The following RALYL variants were observed in gnomAD, a reference collection of about 807,000 sequenced individuals.
The protein encoded by RALYL is RNA-binding Raly-like protein.
RALYL carries 29 observed loss-of-function variants against 35.1 expected under a neutral mutation model. The ratio of observed to expected loss-of-function variants is 0.83; its 90% CI spans 0.61 to 1.13. RALYL has a LOEUF of 1.13. RALYL is among the 50% of genes most tolerant of loss of function. The probability of loss-of-function intolerance (pLI) is 0.00; values close to 1 mark genes in which losing one functional copy is unlikely to be tolerated. For missense variants in RALYL, 359 were observed against 360.4 expected (o/e 1.00, Z 0.03); for synonymous variants, 120 against 127.6 (o/e 0.94, Z 0.40).
At chr8:84,466,436 G>C (rs1340698817) in intron 1 of RALYL, among the ~76,000 whole-genome samples, 1 of 149,682 alleles carries the variant, frequency 6.7e-6, no homozygotes, top group African/African-American at 2.5e-5. Context: ...TTTATATGCT[G>C]GATTACATTT....
intron 1 of RALYL, among the ~76,000 whole-genome samples, chr8:84,408,052 G>T (rs536852935): frequency 3.3e-5 from 5 of 151,660 alleles, no homozygotes; most frequent in Non-Finnish European, 7.4e-5. Context: ...GAATAAGAAC[G>T]CTATGAAACC....
At chr8:84,409,095 A>T (rs1414392662) in intron 1 of RALYL, among the ~76,000 whole-genome samples, 1 of 152,074 alleles carries the variant, frequency 6.6e-6, no homozygotes, top group African/African-American at 2.4e-5. Flanking sequence ...TGGGTAAATG[A>T]CTAAGATTAG....
chr8:84,213,431 CA>C (rs1563542930), intron 1 of RALYL, among the ~76,000 whole-genome samples: 1 of 151,550 alleles, frequency 6.6e-6, no homozygotes, highest in African/African-American at 2.4e-5. Context: ...TTTTAAAAAG[CA>C]AAAAAGAAAG....
At chr8:84,597,000 A>G (rs188946476) in intron 2 of RALYL, among the ~76,000 whole-genome samples, 1 of 152,274 alleles carries the variant, frequency 6.6e-6, no homozygotes, top group South Asian at 2.1e-4. Flanking sequence ...GATAGAAAAC[A>G]AGAGGCTACA....
intron 1 of RALYL, among the ~76,000 whole-genome samples, chr8:84,484,661 C>T (rs1166235833): frequency 6.6e-6 from 1 of 152,096 alleles, no homozygotes; most frequent in East Asian, 1.9e-4. Flanking sequence ...TTTTTGTTAA[C>T]TTTACATATG....
intron 4 of RALYL, among the ~76,000 whole-genome samples, chr8:84,808,761 G>T (rs1381559435): frequency 1.3e-5 from 2 of 151,844 alleles, no homozygotes; most frequent in Middle Eastern, 3.2e-3. Context: ...AAATTTTTTT[G>T]CAGCCATCGT....
At chr8:84,222,753 A>T in intron 1 of RALYL, among the ~76,000 whole-genome samples, 1 of 152,244 alleles carries the variant, frequency 6.6e-6, no homozygotes, top group Non-Finnish European at 1.5e-5. Context: ...TACCATTGAG[A>T]ACTAACCTCA....
intron 2 of RALYL, among the ~76,000 whole-genome samples, chr8:84,546,227 G>A (rs1043563743): frequency 5.3e-5 from 8 of 152,118 alleles, no homozygotes; most frequent in African/African-American, 1.9e-4. Context: ...CCGGGCTCAA[G>A]TGATTCTACT....
At chr8:84,334,942 G>A (rs1317336559) in intron 1 of RALYL, among the ~76,000 whole-genome samples, 5 of 152,058 alleles carry the variant, frequency 3.3e-5, no homozygotes, top group Non-Finnish European at 7.4e-5. Context: ...TGCCTATCAT[G>A]GTAAAGGAAG....
At chr8:84,546,669 T>C (rs2060378874) in intron 2 of RALYL, among the ~76,000 whole-genome samples, 2 of 152,238 alleles carry the variant, frequency 1.3e-5, no homozygotes, top group African/African-American at 4.8e-5. Context: ...GTTTACTTTT[T>C]TGGAGAAATC....
chr8:84,293,484 C>T (rs1839163534), intron 1 of RALYL, among the ~76,000 whole-genome samples: 2 of 152,016 alleles, frequency 1.3e-5, no homozygotes, highest in Non-Finnish European at 1.5e-5. Flanking sequence ...TACACATCAC[C>T]TCTTGGCCTG....
At chr8:84,376,372 G>A (rs1856914363) in intron 1 of RALYL, among the ~76,000 whole-genome samples, 1 of 151,854 alleles carries the variant, frequency 6.6e-6, no homozygotes, top group Non-Finnish European at 1.5e-5. Flanking sequence ...AAATAAAATT[G>A]TATAGAAGTT....
intron 1 of RALYL, among the ~76,000 whole-genome samples, chr8:84,320,481 T>A (rs544833966): frequency 1.3e-4 from 20 of 151,988 alleles, no homozygotes; most frequent in Non-Finnish European, 2.8e-4. Flanking sequence ...TATTAAAAAA[T>A]TCATTGTAAT....
intron 1 of RALYL, among the ~76,000 whole-genome samples, chr8:84,434,227 CATATT>C (rs2047457610): frequency 6.6e-6 from 1 of 152,042 alleles, no homozygotes; most frequent in Admixed American, 6.6e-5. Flanking sequence ...GAACACTAGT[CATATT>C]AGATTAGGGC....
At chr8:84,193,637 G>A (rs1478305211) in intron 1 of RALYL, among the ~76,000 whole-genome samples, 1 of 152,160 alleles carries the variant, frequency 6.6e-6, no homozygotes, top group Non-Finnish European at 1.5e-5. Context: ...GAAATTAACT[G>A]GTATGGAGAT....
intron 1 of RALYL, among the ~76,000 whole-genome samples, chr8:84,402,201 T>C (rs1371823489): frequency 6.6e-6 from 1 of 152,198 alleles, no homozygotes; most frequent in Admixed American, 6.5e-5. Flanking sequence ...AGATGATAAA[T>C]ACTGAAATAA....
At chr8:84,717,173 C>A (rs1350024187) in intron 2 of RALYL, among the ~76,000 whole-genome samples, 1 of 152,098 alleles carries the variant, frequency 6.6e-6, no homozygotes, top group Non-Finnish European at 1.5e-5. Flanking sequence ...GGCGACAGAG[C>A]GGGACTCCGT....
intron 2 of RALYL, among the ~76,000 whole-genome samples, chr8:84,761,700 TAACA>T (rs1221826681): frequency 6.6e-6 from 1 of 152,128 alleles, no homozygotes; most frequent in Non-Finnish European, 1.5e-5. Context: ...TTCCCATATT[TAACA>T]AACACTTATT....
intron 1 of RALYL, among the ~76,000 whole-genome samples, chr8:84,225,730 A>G (rs1823723751): frequency 6.6e-6 from 1 of 151,872 alleles, no homozygotes; most frequent in South Asian, 2.1e-4. Context: ...TTCCACCTTC[A>G]CGGTGTCCTC....
Sources: gnomAD v4.1 joint callset for allele counts (sites outside exome capture counted in the v4.1 genomes callset) on GRCh38, gnomAD v4.1.1 for gene constraint, MANE v1.5 for transcripts, NCBI Gene and HGNC (gene_info 2026-07-23, HGNC 2026-07-21) for gene names.